TRPM3: variants seen among roughly 807,000 people sequenced by gnomAD.
The protein encoded by TRPM3 is transient receptor potential cation channel subfamily M member 3, also known as long transient receptor potential channel 3.
Under a neutral mutation model 181.2 loss-of-function variants are expected in TRPM3, and 77 were observed. That is an observed-to-expected ratio of 0.42 (90% CI 0.35 to 0.51). TRPM3 has a LOEUF of 0.51. Among genes scored for constraint, TRPM3 ranks in the 20% least tolerant of loss-of-function variants. TRPM3 has a pLI of 0.01. For synonymous variants in TRPM3, 745 were observed against 796.4 expected, an observed-to-expected ratio of 0.94 and a Z score of 1.09; for missense variants, 1,759 against 2,196.7, an observed-to-expected ratio of 0.80 and a Z score of 3.98.
Position 71,399,024 on chromosome 9 carries a change from C to A in TRPM3, c.183+47629G>T, listed in dbSNP as rs555904713. 2.6e-5 allele frequency among the ~76,000 whole-genome samples: 4 copies of A among 152,108 alleles called. No individual in the cohort carries two copies. In the South Asian group the frequency reaches 8.3e-4, roughly 32 times the overall value. ...ATAATTTAGCCTTAAATAATTTTGA[C>A]TATATCCTTTGTCCCAATAGTGCTA... is the stretch of plus-strand genomic sequence containing the variant. On this transcript the variant is annotated intron_variant, in intron 1 of 24. Transcript: ENST00000357533.
intron 1 of TRPM3, among the ~76,000 whole-genome samples, chr9:71,240,472 A>C (rs1380570288): frequency 1.3e-5 from 2 of 152,192 alleles, no homozygotes; most frequent in Non-Finnish European, 2.9e-5. Context: ...AACCATGACT[A>C]TTAGCAACAG....
intron 1 of TRPM3, among the ~76,000 whole-genome samples, chr9:70,940,044 T>C (rs2096870367): frequency 6.6e-6 from 1 of 152,200 alleles, no homozygotes; most frequent in Admixed American, 6.5e-5. Context: ...TTAACCACCT[T>C]GTAGTGAGCT....
intron 1 of TRPM3, among the ~76,000 whole-genome samples, chr9:71,196,191 GTGTT>G (rs1420938423): frequency 6.8e-6 from 1 of 147,630 alleles, no homozygotes; most frequent in East Asian, 2.0e-4. Context: ...GTGTGTGTGT[GTGTT>G]TTGTACTTAT....
chr9:70,645,931 A>G (rs1340346790), intron 9 of TRPM3, among the ~76,000 whole-genome samples: 2 of 152,128 alleles, frequency 1.3e-5, no homozygotes, highest in Non-Finnish European at 2.9e-5. Flanking sequence ...ATGAAGAGAC[A>G]CTTCTCAGAA....
chr9:71,286,841 T>G (rs2085314168), intron 1 of TRPM3, among the ~76,000 whole-genome samples: 1 of 150,952 alleles, frequency 6.6e-6, no homozygotes, highest in Non-Finnish European at 1.5e-5. Flanking sequence ...GCCTGGATTG[T>G]TTTCTCACAT....
intron 1 of TRPM3, among the ~76,000 whole-genome samples, chr9:71,029,757 G>T (rs1187616899): frequency 6.6e-6 from 1 of 151,990 alleles, no homozygotes. Flanking sequence ...CAAGTTTTTT[G>T]GGTCCTTATA....
In TRPM3 at chr9:71,419,288, T is replaced by G. The variant is rs182153100; in HGVS notation, c.183+27365A>C. 7.3e-3 allele frequency among the ~76,000 whole-genome samples: 1,105 copies of G among 151,970 alleles called. 7 individuals are homozygous for G. The highest frequency in any genetic ancestry group is 0.021 in the South Asian group (100 of 4,822). On this transcript the variant is annotated intron_variant, in intron 1 of 24. Coordinates refer to the TRPM3 transcript ENST00000357533. Reference sequence around the variant, plus strand: ...TGTTTATTCTGAAAGCCCTATTTTTTGGGGCATTTAAAAAAAGCCTATTTC... The same window carrying G: ...TGTTTATTCTGAAAGCCCTATTTTTGGGGGCATTTAAAAAAAGCCTATTTC...
chr9:70,911,355 C>G (rs116178514), intron 1 of TRPM3, among the ~76,000 whole-genome samples: 114 of 152,330 alleles, frequency 7.5e-4, no homozygotes, highest in African/African-American at 2.7e-3. Context: ...TTCCCCAAGG[C>G]TCCATTTAGG....
intron 1 of TRPM3, among the ~76,000 whole-genome samples, chr9:70,925,588 A>G (rs987464957): frequency 3.3e-5 from 5 of 152,116 alleles, no homozygotes; most frequent in African/African-American, 1.2e-4. Context: ...ATATATATAT[A>G]TATCTCCTCC....
intron 18 of TRPM3, among the ~76,000 whole-genome samples, chr9:70,611,318 C>T (rs1372385837): frequency 6.6e-6 from 1 of 152,062 alleles, no homozygotes; most frequent in Non-Finnish European, 1.5e-5. Context: ...AATTGTAATC[C>T]CCACATGTCA....
chr9:70,588,146 T>TTTCC (rs1338020936), intron 22 of TRPM3, among the ~76,000 whole-genome samples: 2 of 152,370 alleles, frequency 1.3e-5, no homozygotes, highest in African/African-American at 4.8e-5. Flanking sequence ...TTTTCTTTCC[T>TTTCC]TTGGGTTTAG....
upstream of TRPM3, among the ~76,000 whole-genome samples, chr9:71,123,379 A>T (rs2073841257): frequency 6.6e-6 from 1 of 152,188 alleles, no homozygotes; most frequent in African/African-American, 2.4e-5. Flanking sequence ...AGATTTACGT[A>T]CCTTCTTTGT....
intron 1 of TRPM3, among the ~76,000 whole-genome samples, chr9:71,310,289 CA>C (rs2087793537): frequency 6.6e-6 from 1 of 151,410 alleles, no homozygotes; most frequent in Non-Finnish European, 1.5e-5. Context: ...AAAAAAAACC[CA>C]AAATAAAACT....
At chr9:70,697,564 G>A (rs1314819755) in intron 8 of TRPM3, among the ~76,000 whole-genome samples, 1 of 152,110 alleles carries the variant, frequency 6.6e-6, no homozygotes, top group African/African-American at 2.4e-5. Context: ...AAAATTATAG[G>A]CTACGATTTT....
intron 6 of TRPM3, chr9:70,825,393 A>G (rs955759817): frequency 6.6e-6 from 1 of 152,116 alleles, no homozygotes; most frequent in African/African-American, 2.4e-5. Context: ...GTGGGTCTCT[A>G]TGAAGCCACA....
chr9:70,619,713 C>T (rs565907617), intron 16 of TRPM3, among the ~76,000 whole-genome samples: 1 of 152,248 alleles, frequency 6.6e-6, no homozygotes, highest in East Asian at 1.9e-4. Flanking sequence ...CTGCACCAGG[C>T]AGTATGTCCT....
chr9:70,606,006 T>C (rs974309206), intron 19 of TRPM3, among the ~76,000 whole-genome samples: 2 of 152,250 alleles, frequency 1.3e-5, no homozygotes, highest in Non-Finnish European at 2.9e-5. Flanking sequence ...GTCCTCTGAA[T>C]ACAAGTCTAA....
chr9:71,396,627 A>C (rs188678134), intron 1 of TRPM3, among the ~76,000 whole-genome samples: 3 of 152,016 alleles, frequency 2.0e-5, no homozygotes, highest in South Asian at 4.1e-4. Flanking sequence ...AAATCTAAAA[A>C]GTTAAAAGTC....
chr9:70,909,643 C>A (rs1324028380), intron 1 of TRPM3, among the ~76,000 whole-genome samples: 1 of 151,944 alleles, frequency 6.6e-6, no homozygotes, highest in Non-Finnish European at 1.5e-5. Context: ...AAATTGGGTA[C>A]AATATACAAT....
Sources: allele counts gnomAD v4.1 joint callset (sites outside exome capture counted in the v4.1 genomes callset), GRCh38; gene constraint gnomAD v4.1.1; transcripts MANE v1.5; gene names NCBI Gene and HGNC (gene_info 2026-07-23, HGNC 2026-07-21).